Variants in ZNF230 observed in about 807,000 individuals in gnomAD.
The protein encoded by ZNF230 is zinc finger protein FDZF2.
In ZNF230, 12 loss-of-function variants were observed where a neutral mutation model predicts 10.0. The ratio of observed to expected loss-of-function variants is 1.20; its 90% CI spans 0.77 to 1.95. The LOEUF is 1.95. Among genes scored for constraint, ZNF230 ranks in the 30% most tolerant of loss-of-function variants. The pLI is 0.00. For synonymous variants in ZNF230, 174 were observed against 193.6 expected (o/e 0.90, Z 0.84); for missense variants, 532 against 565.8 (o/e 0.94, Z 0.61).
chr19:44,012,115 C>T lies in ZNF230; in HGVS notation c.*651C>T, dbSNP rs1599853440. On this transcript the variant is annotated 3_prime_UTR_variant, in exon 5 of 5. Coordinates refer to ENST00000429154, the MANE Select transcript of ZNF230 (RefSeq NM_006300.4). ...TCAATAGTGGGATTGCTAGATCACT[C>T]GAATCTTATGCCTCAGAGGCTTGAC... 1 of 278,132 alleles carries T rather than the reference C, an allele frequency of 3.6e-6. No homozygotes were observed. The highest frequency in any genetic ancestry group is 3.4e-5 in the South Asian group (1 of 29,556). The allele number at this position is 278,132 out of a possible 1,614,324, so 17.2% of individuals were successfully genotyped here.
At chr19:44,008,501 T>C (rs1976142299) in intron 2 of ZNF230, among the ~76,000 whole-genome samples, 1 of 152,198 alleles carries the variant, frequency 6.6e-6, no homozygotes. Context: ...ACTGGGGCAA[T>C]TGGCAAAATT....
intron 4 of ZNF230, among the ~76,000 whole-genome samples, chr19:44,009,544 A>G (rs1976154468): frequency 6.6e-6 from 1 of 152,140 alleles, no homozygotes; most frequent in Admixed American, 6.5e-5. Flanking sequence ...TTTTCCAGCC[A>G]CGTTGTCCTC....
Position 44,010,549 on chromosome 19 carries a change from C to G in ZNF230, c.510C>G (p.Cys170Trp), listed in dbSNP as rs771969835. The change falls in exon 5 of 5, where the codon TGC becomes TGG. Residue 170 changes from cysteine to tryptophan, a missense_variant. Physicochemically the swap from Cys to Trp is radical, Grantham distance 215. Coordinates refer to ENST00000429154, the MANE Select transcript of ZNF230 (RefSeq NM_006300.4). ...QFHSGEKSHT[C>W]NECGKSFCYI... is the part of the protein sequence containing the mutation. ...ACTCAGGAGAGAAGTCTCATACATGCAATGAGTGTGGAAAAAGCTTCTGTT... is the reference window on the plus strand; with the variant it reads ...ACTCAGGAGAGAAGTCTCATACATGGAATGAGTGTGGAAAAAGCTTCTGTT... 4.3e-6 allele frequency: 7 copies of G among 1,614,080 alleles called. No individual in the cohort carries two copies. In the Admixed American group the frequency reaches 8.3e-5, roughly 19 times the overall value.
In ZNF230 at chr19:44,011,605, C is replaced by A. The variant is rs373741923; in HGVS notation, c.*141C>A. 1 of 914,878 alleles carries A rather than the reference C, an allele frequency of 1.1e-6. No homozygotes were observed. Among genetic ancestry groups the A allele is most frequent in the Non-Finnish European group, 1.6e-6 (1 of 630,110 alleles). 56.7% of individuals were successfully genotyped at this position (914,878 alleles called of 1,614,324 possible). A position where few individuals can be genotyped will look rare whatever the true frequency, so the allele number is the denominator to read the frequency against. On this transcript the variant is annotated 3_prime_UTR_variant, in exon 5 of 5. Coordinates refer to ENST00000429154, the MANE Select transcript of ZNF230 (RefSeq NM_006300.4). The stretch of plus-strand genomic sequence containing the variant: ...GAAAATTCAAAATCCATTGTTCTAG[C>A]GATTTGAAAAGAAACAATAAATTAT...
rs572451984 is a variant in ZNF230, at chr19:44,010,986, G to C, written c.947G>C (p.Gly316Ala). Reference protein sequence around the residue: ...KLYKSEECGKGFTDSLDLHKH... With the variant: ...KLYKSEECGKAFTDSLDLHKH... ...TACAAATCTGAGGAGTGTGGAAAAG[G>C]CTTCACTGATAGCCTAGATTTGCAT... The change falls in exon 5 of 5, where the codon GGC (glycine) becomes GCC (alanine). Residue 316 changes from glycine (G) to alanine (A), a missense_variant. By Grantham distance (60) the Gly-to-Ala change is moderately conservative. Transcript: ENST00000429154. 3 of 1,614,208 alleles carry C rather than the reference G, an allele frequency of 1.9e-6. No homozygotes were observed. Among genetic ancestry groups the C allele is most frequent in the South Asian group, 1.1e-5 (1 of 91,090 alleles).
At chr19:44,009,402 G>A (rs1034024003) in intron 4 of ZNF230, 14 of 578,806 alleles carry the variant, frequency 2.4e-5, no homozygotes, top group Middle Eastern at 5.2e-4. Context: ...CCACTCCTTG[G>A]TCCAAAAGCC....
intron 1 of ZNF230, among the ~76,000 whole-genome samples, chr19:44,005,526 G>C (rs1976114630): frequency 6.6e-6 from 1 of 152,142 alleles, no homozygotes; most frequent in South Asian, 2.1e-4. Context: ...AGATAGTGTT[G>C]AATAGCATAT....
In ZNF230 at chr19:44,007,014, C is replaced by T. The variant is rs374005751; in HGVS notation, c.-65C>T. The T allele has an allele frequency of 6.2e-5, 90 of 1,443,266 alleles. No individual in the cohort carries two copies. In the African/African-American group the frequency reaches 1.0e-3, roughly 16 times the overall value. The allele number at this position is 1,443,266 out of a possible 1,614,324, so 89.4% of individuals were successfully genotyped here. A position where few individuals can be genotyped will look rare whatever the true frequency, so the allele number is the denominator to read the frequency against. The stretch of plus-strand genomic sequence containing the variant: ...TGCTGTCTCTGGCATTTTCCAGGCA[C>T]AATTCCACCTTCCTTTGTGCTCCAT... On this transcript the variant is annotated 5_prime_UTR_variant, in exon 2 of 5. An upstream open reading frame in the 5' UTR gains an earlier in-frame stop. Coordinates refer to ENST00000429154, the MANE Select transcript of ZNF230 (RefSeq NM_006300.4).
At position 44,011,086 on chromosome 19, in the gene ZNF230, A is replaced by C; in HGVS notation, c.1047A>C (p.Ser349=). The change falls in exon 5 of 5, where the codon TCA becomes TCC. Residue 349 remains serine (S), a synonymous_variant. Coordinates refer to ENST00000429154, the MANE Select transcript of ZNF230 (RefSeq NM_006300.4). The part of the protein sequence containing the change: ...KECGKSFRWS[S]YLLIHQRIHS... ...GTGGGAAGAGCTTCAGATGGTCCTC[A>C]TATCTTTTGATCCATCAGCGAATCC... 2.5e-6 allele frequency: 4 copies of C among 1,614,216 alleles called. No homozygotes were observed. The highest frequency in any genetic ancestry group is 3.3e-5 in the Admixed American group (2 of 60,020).
intron 4 of ZNF230, among the ~76,000 whole-genome samples, chr19:44,009,693 T>C (rs1445974307): frequency 1.3e-5 from 2 of 151,834 alleles, no homozygotes; most frequent in African/African-American, 4.8e-5. Flanking sequence ...TCGAAAGGAG[T>C]GGCCAGCCAC....
chr19:44,009,512 G>T (rs1976154049), intron 4 of ZNF230, among the ~76,000 whole-genome samples: 1 of 151,938 alleles, frequency 6.6e-6, no homozygotes, highest in Non-Finnish European at 1.5e-5. Flanking sequence ...GACTACATCT[G>T]TCCTCTCGCC....
Position 44,012,075 on chromosome 19 carries a change from T to TAAAA in ZNF230, c.*611_*612insAAAA. 2.0e-5 allele frequency: 4 copies of TAAAA among 198,580 alleles called. No individual in the cohort carries two copies. Among genetic ancestry groups the TAAAA allele is most frequent in the Non-Finnish European group, 4.1e-5 (4 of 97,234 alleles). The allele number at this position is 198,580 out of a possible 1,614,324, so 12.3% of individuals were successfully genotyped here. On this transcript the variant is annotated 3_prime_UTR_variant, in exon 5 of 5. Coordinates refer to ENST00000429154, the MANE Select transcript of ZNF230 (RefSeq NM_006300.4). The stretch of plus-strand genomic sequence containing the variant: ...TATCTGATCCACATACTGATTTCCT[T>TAAAA]TGCTTTGGATATACTCAATAGTGGG...
intron 2 of ZNF230, among the ~76,000 whole-genome samples, chr19:44,008,278 C>A (rs541894978): frequency 1.3e-5 from 2 of 152,288 alleles, no homozygotes; most frequent in South Asian, 4.1e-4. Flanking sequence ...AAGGACACTG[C>A]ATAACTAGCA....
chr19:44,011,814 T>C lies in ZNF230; in HGVS notation c.*350T>C, dbSNP rs1422478137. The C allele has an allele frequency of 8.8e-6, 2 of 227,400 alleles. No individual in the cohort carries two copies. The highest frequency in any genetic ancestry group is 2.4e-4 in the East Asian group (2 of 8,490). The allele number at this position is 227,400 out of a possible 1,614,324, so 14.1% of individuals were successfully genotyped here. A position where few individuals can be genotyped will look rare whatever the true frequency, so the allele number is the denominator to read the frequency against. ...TCAACTTTTTTAGCTTCCATATGTG[T>C]GTGAGGACAGTTAGTATTTATCTTA... On this transcript the variant is annotated 3_prime_UTR_variant, in exon 5 of 5. Coordinates refer to ENST00000429154, the MANE Select transcript of ZNF230 (RefSeq NM_006300.4).
rs1976184855 is a variant in ZNF230 at position 44,011,574 on chromosome 19, T to C, written c.*110T>C. Reference sequence around the variant, plus strand: ...ACCTTAAACAATTAACATTTCTTTGTTTTGGGAAAATTCAAAATCCATTGT... The same window carrying C: ...ACCTTAAACAATTAACATTTCTTTGCTTTGGGAAAATTCAAAATCCATTGT... On this transcript the variant is annotated 3_prime_UTR_variant, in exon 5 of 5. Transcript: ENST00000429154. 11 of 1,208,524 alleles carry C rather than the reference T, an allele frequency of 9.1e-6. No individual in the cohort carries two copies. Among genetic ancestry groups the C allele is most frequent in the Non-Finnish European group, 1.2e-5 (11 of 885,682 alleles). The allele number at this position is 1,208,524 out of a possible 1,614,324, so 74.9% of individuals were successfully genotyped here. A position where few individuals can be genotyped will look rare whatever the true frequency, so the allele number is the denominator to read the frequency against.
At chr19:44,005,457 G>T (rs544715610) in intron 1 of ZNF230, among the ~76,000 whole-genome samples, 18 of 152,196 alleles carry the variant, frequency 1.2e-4, no homozygotes, top group African/African-American at 4.3e-4. Flanking sequence ...AAATAATATT[G>T]TTATCTATTA....
In ZNF230 at chr19:44,011,390, G is replaced by A; in HGVS notation, c.1351G>A (p.Glu451Lys). 1.9e-6 allele frequency: 3 copies of A among 1,613,828 alleles called. No individual in the cohort carries two copies. Among genetic ancestry groups the A allele is most frequent in the Non-Finnish European group, 2.5e-6 (3 of 1,179,928 alleles). ...DHNGENSSKCEDCGKRYKRRL... is the reference protein window; with the variant it reads ...DHNGENSSKCKDCGKRYKRRL... ...CAATGGAGAAAACTCATCCAAATGTGAGGACTGTGGGAAGCGCTACAAGAG... is the reference window on the plus strand; with the variant it reads ...CAATGGAGAAAACTCATCCAAATGTAAGGACTGTGGGAAGCGCTACAAGAG... Residue 451 changes from glutamate to lysine, a missense_variant, in exon 5 of 5, where the codon GAG (glutamate) becomes AAG (lysine). Physicochemically the swap from Glu to Lys is moderately conservative, Grantham distance 56. Transcript: ENST00000429154.
intron 2 of ZNF230, among the ~76,000 whole-genome samples, chr19:44,008,207 T>C (rs1187994793): frequency 6.6e-6 from 1 of 152,084 alleles, no homozygotes; most frequent in Non-Finnish European, 1.5e-5. Flanking sequence ...TTATCTTTTA[T>C]GGATTGGACT....
In ZNF230 at chr19:44,012,483, A is replaced by G. The variant is rs919464357; in HGVS notation, c.*1019A>G. 1.9e-6 allele frequency: 1 copy of G among 518,786 alleles called. No homozygotes were observed. Among genetic ancestry groups the G allele is most frequent in the Non-Finnish European group, 3.8e-6 (1 of 259,826 alleles). The allele number at this position is 518,786 out of a possible 1,614,324, so 32.1% of individuals were successfully genotyped here. ...CTCAGCATTCTCCCATCATCCTAGG[A>G]CCATCGTAGTAGAGAACTCTTGTAA... On this transcript the variant is annotated 3_prime_UTR_variant, in exon 5 of 5. Coordinates refer to ENST00000429154, the MANE Select transcript of ZNF230 (RefSeq NM_006300.4).
Sources: gnomAD v4.1 joint callset for allele counts (sites outside exome capture counted in the v4.1 genomes callset) on GRCh38, gnomAD v4.1.1 for gene constraint, MANE v1.5 for transcripts, NCBI Gene and HGNC (gene_info 2026-07-23, HGNC 2026-07-21) for gene names.